Variants in MACROD2 observed in about 807,000 individuals in gnomAD.
The protein encoded by MACROD2 is mono-ADP ribosylhydrolase 2, also known as ADP-ribose glycohydrolase MACROD2.
In MACROD2, 36 loss-of-function variants were observed where a neutral mutation model predicts 70.4. The ratio of observed to expected loss-of-function variants is 0.51; its 90% confidence interval spans 0.39 to 0.68. The LOEUF is 0.68. Among genes scored for constraint, MACROD2 ranks in the 30% least tolerant of loss-of-function variants. The probability of loss-of-function intolerance (pLI) is 0.00; values close to 1 mark genes in which losing one functional copy is unlikely to be tolerated. For missense variants in MACROD2, 496 were observed against 538.4 expected (o/e 0.92, Z 0.78); for synonymous variants, 172 against 178.8 (o/e 0.96, Z 0.30).
At chr20:15,300,699 C>G (rs1173571686) in intron 6 of MACROD2, among the ~76,000 whole-genome samples, 2 of 152,174 alleles carry the variant, frequency 1.3e-5, no homozygotes, top group African/African-American at 4.8e-5. Context: ...AGTTTCATCA[C>G]TGGGGCTCAG....
intron 4 of MACROD2, among the ~76,000 whole-genome samples, chr20:14,581,055 C>T (rs541059350): frequency 3.9e-5 from 6 of 152,266 alleles, no homozygotes; most frequent in African/African-American, 1.4e-4. Context: ...AGGCTGATGT[C>T]GTGAGTGCCA....
intron 3 of MACROD2, among the ~76,000 whole-genome samples, chr20:14,190,580 AT>A (rs567981439): frequency 1.9e-4 from 27 of 143,946 alleles, no homozygotes; most frequent in Admixed American, 4.2e-4. Context: ...TTTGAGTTTC[AT>A]TTTCAGCCTG....
chr20:16,001,821 G>A (rs762536518), intron 15 of MACROD2, among the ~76,000 whole-genome samples: 7 of 151,810 alleles, frequency 4.6e-5, no homozygotes, highest in Admixed American at 6.6e-5. Context: ...TTCATTTTTC[G>A]TAACGTATTA....
chr20:15,173,621 G>A (rs1166876486), intron 5 of MACROD2, among the ~76,000 whole-genome samples: 3 of 150,056 alleles, frequency 2.0e-5, no homozygotes, highest in African/African-American at 7.5e-5. Context: ...ATTTCAAGCT[G>A]TGTTTTAATT....
chr20:15,051,338 ATGTGTGTGTG>A (rs6147297), intron 5 of MACROD2, among the ~76,000 whole-genome samples: 12,304 of 129,004 alleles, frequency 0.095, 667 homozygotes, highest in East Asian at 0.16. Flanking sequence ...TCAGTAGGAG[ATGTGTGTGTG>A]TGTGTGTGTG....
At position 15,574,723 on chromosome 20, in the gene MACROD2, G is replaced by T. The variant is rs1269754831; in HGVS notation, c.645+74876G>T. On this transcript the variant is annotated intron_variant, in intron 8 of 17. Transcript: ENST00000684519. The stretch of plus-strand genomic sequence containing the variant: ...ACCCCCGTACTTTCCTTGTATTGAG[G>T]TGTGGCTTCAGCCTTCAAGGGTCCA... Among the ~76,000 whole-genome samples the T allele has an allele frequency of 3.9e-5, 6 of 152,252 alleles. No individual in the cohort carries two copies. The East Asian group carries it at 7.7e-4, about 20-fold the overall frequency.
intron 5 of MACROD2, among the ~76,000 whole-genome samples, chr20:14,698,104 A>G (rs183016071): frequency 2.5e-4 from 38 of 152,256 alleles, no homozygotes; most frequent in African/African-American, 7.9e-4. Flanking sequence ...CTGAGCTGAA[A>G]TGAATCAAGT....
rs932815557 is a variant in MACROD2 at position 15,052,198 on chromosome 20, C to T, written c.419-177742C>T. ...AGGCTAGATATTTATATGTTTGTCACGGTCCTCAAACTGTGTGTGCTCCTT... is the reference window on the plus strand; with the variant it reads ...AGGCTAGATATTTATATGTTTGTCATGGTCCTCAAACTGTGTGTGCTCCTT... On this transcript the variant is annotated intron_variant, in intron 5 of 17. Coordinates refer to ENST00000684519, the MANE Select transcript of MACROD2 (RefSeq NM_001351661.2). Among the ~76,000 whole-genome samples, 8 of 152,276 alleles carry T rather than the reference C, an allele frequency of 5.3e-5. 1 individual carries two copies. The highest frequency in any genetic ancestry group is 1.4e-4 in the African/African-American group (6 of 41,564).
intron 8 of MACROD2, among the ~76,000 whole-genome samples, chr20:15,615,497 G>A (rs760558853): frequency 3.3e-5 from 5 of 152,124 alleles, no homozygotes; most frequent in Admixed American, 1.3e-4. Context: ...AGGGACTCCC[G>A]TGGGGATGTG....
intron 8 of MACROD2, among the ~76,000 whole-genome samples, chr20:15,696,290 A>G (rs1361803402): frequency 6.6e-6 from 1 of 152,218 alleles, no homozygotes; most frequent in African/African-American, 2.4e-5. Flanking sequence ...TTCTGCATCT[A>G]TTGAGATGAT....
intron 4 of MACROD2, among the ~76,000 whole-genome samples, chr20:14,630,124 G>T (rs181030742): frequency 1.3e-4 from 20 of 152,268 alleles, no homozygotes; most frequent in Non-Finnish European, 1.5e-4. Context: ...GCAGGACCAG[G>T]CTTACAGTCT....
intron 5 of MACROD2, among the ~76,000 whole-genome samples, chr20:15,079,817 C>G (rs1601040219): frequency 6.6e-6 from 1 of 152,228 alleles, no homozygotes; most frequent in East Asian, 1.9e-4. Flanking sequence ...CCTAGAAAGT[C>G]TCTTCACATT....
intron 6 of MACROD2, among the ~76,000 whole-genome samples, chr20:15,285,211 CTAAAGG>C (rs2077480017): frequency 6.6e-6 from 1 of 152,046 alleles, no homozygotes; most frequent in Non-Finnish European, 1.5e-5. Flanking sequence ...TTATATTTCT[CTAAAGG>C]TAAAGACTGG....
At chr20:15,357,370 C>T (rs1451974488) in intron 6 of MACROD2, among the ~76,000 whole-genome samples, 1 of 152,010 alleles carries the variant, frequency 6.6e-6, no homozygotes, top group Admixed American at 6.6e-5. Context: ...ACCAAGAGAA[C>T]AAGAATATGG....
At chr20:14,689,595 G>C (rs2071039524) in intron 5 of MACROD2, among the ~76,000 whole-genome samples, 1 of 152,268 alleles carries the variant, frequency 6.6e-6, no homozygotes, top group African/African-American at 2.4e-5. Context: ...ACAATGGTGT[G>C]TCTATGCATG....
rs74272145 is a variant in MACROD2, at chr20:14,147,397, T to C, written c.271+61669T>C. Among the ~76,000 whole-genome samples, 239 of 152,318 alleles carry C rather than the reference T, an allele frequency of 1.6e-3. 2 individuals are homozygous for C. In the East Asian group the frequency reaches 0.031, roughly 20 times the overall value. On this transcript the variant is annotated intron_variant, in intron 3 of 17. Transcript: ENST00000684519. ...TTAATAATAGTAACTCATTGAGTTA[T>C]GAAAATTAAATAATATATGCTAAGC...
intron 5 of MACROD2, among the ~76,000 whole-genome samples, chr20:15,080,446 C>T (rs751293713): frequency 2.6e-5 from 4 of 152,154 alleles, no homozygotes; most frequent in Non-Finnish European, 5.9e-5. Context: ...CACCTTGTTC[C>T]TTTGCCCTTG....
At chr20:15,436,444 G>A (rs1393274275) in intron 7 of MACROD2, among the ~76,000 whole-genome samples, 1 of 152,062 alleles carries the variant, frequency 6.6e-6, no homozygotes, top group Non-Finnish European at 1.5e-5. Context: ...CCACCCACAT[G>A]ATTCACTCAT....
In MACROD2 at chr20:15,344,723, CT is replaced by C. The variant is rs540444724; in HGVS notation, c.541-86679del. Among the ~76,000 whole-genome samples, 3 of 152,266 alleles carry C rather than the reference CT, an allele frequency of 2.0e-5. No individual in the cohort carries two copies. In the East Asian group the frequency reaches 5.8e-4, roughly 29 times the overall value. ...GCCACCATGGCCCTGCCTTTTCACA[CT>C]TTCTTGGTGTTAATGGATCCAAGAT... On this transcript the variant is annotated intron_variant, in intron 6 of 17. Transcript: ENST00000684519.
Sources: gnomAD v4.1 joint callset for allele counts (sites outside exome capture counted in the v4.1 genomes callset) on GRCh38, gnomAD v4.1.1 for gene constraint, MANE v1.5 for transcripts, NCBI Gene and HGNC (gene_info 2026-07-23, HGNC 2026-07-21) for gene names.